SKAP1: variants seen among roughly 807,000 people sequenced by gnomAD.
The protein encoded by SKAP1 is src kinase associated phosphoprotein 1.
In SKAP1, 44 loss-of-function variants were observed where a neutral mutation model predicts 58.5. The ratio of observed to expected loss-of-function variants is 0.75; its 90% CI spans 0.59 to 0.97. The LOEUF (loss-of-function observed/expected upper bound fraction) is 0.97, where lower values mean the gene tolerates loss of function less well. Ranked by LOEUF, SKAP1 falls within the 50% of genes least tolerant of loss-of-function variation. The pLI is 0.00. For missense variants in SKAP1, 390 were observed against 435.2 expected, an observed-to-expected ratio of 0.90 and a Z score of 0.92; for synonymous variants, 127 against 149.7, an observed-to-expected ratio of 0.85 and a Z score of 1.11.
chr17:48,411,299 C>G (rs2144582381), intron 1 of SKAP1, among the ~76,000 whole-genome samples: 1 of 151,940 alleles, frequency 6.6e-6, no homozygotes, highest in Non-Finnish European at 1.5e-5. Flanking sequence ...ACTCGAGAGG[C>G]TGAGGCAGGA....
In SKAP1 at chr17:48,346,611, C is replaced by T. The variant is rs182344644; in HGVS notation, c.179-605G>A. Among the ~76,000 whole-genome samples the T allele has an allele frequency of 5.3e-4, 80 of 151,008 alleles. No homozygotes were observed. In the East Asian group the frequency reaches 0.013, roughly 25 times the overall value. On this transcript the variant is annotated intron_variant, in intron 3 of 12. Coordinates refer to ENST00000336915, the MANE Select transcript of SKAP1 (RefSeq NM_003726.4). ...TGCACTCCGGCCTGGGTGACAACAG[C>T]GAGACTCCATCTAAAAAAAAAAAGA...
At chr17:48,239,398 CTTTATT>C (rs1267295514) in intron 4 of SKAP1, among the ~76,000 whole-genome samples, 4 of 152,166 alleles carry the variant, frequency 2.6e-5, no homozygotes, top group Non-Finnish European at 5.9e-5. Context: ...TCTGTGCCCT[CTTTATT>C]ATCACATTCA....
chr17:48,160,703 G>A (rs2064056812), intron 11 of SKAP1, among the ~76,000 whole-genome samples: 1 of 152,166 alleles, frequency 6.6e-6, no homozygotes, highest in Admixed American at 6.5e-5. Context: ...AGCCAGTCTG[G>A]CTCTGTTCTT....
intron 4 of SKAP1, among the ~76,000 whole-genome samples, chr17:48,205,273 C>T (rs1254788956): frequency 6.6e-6 from 1 of 151,670 alleles, no homozygotes; most frequent in Non-Finnish European, 1.5e-5. Flanking sequence ...CCACGCTCAG[C>T]TAATTTTTGG....
chr17:48,441,299 G>A, the SKAP1 span, among the ~76,000 whole-genome samples: 1 of 152,148 alleles, frequency 6.6e-6, no homozygotes, highest in African/African-American at 2.4e-5. Context: ...TACCTACAGA[G>A]AGAAACCTGA....
intron 8 of SKAP1, among the ~76,000 whole-genome samples, chr17:48,181,940 T>TAATGTCC (rs749911506): frequency 6.6e-6 from 1 of 152,182 alleles, no homozygotes; most frequent in Non-Finnish European, 1.5e-5. Context: ...AGTTTGTTTT[T>TAATGTCC]AATGTCCAAT....
intron 4 of SKAP1, among the ~76,000 whole-genome samples, chr17:48,201,729 C>G (rs1043549624): frequency 2.0e-5 from 3 of 152,168 alleles, no homozygotes; most frequent in African/African-American, 7.2e-5. Flanking sequence ...TCCCATGTTA[C>G]AGCCTGATTG....
intron 1 of SKAP1, among the ~76,000 whole-genome samples, chr17:48,398,724 T>C (rs12941129): frequency 0.029 from 4,455 of 152,200 alleles, 233 homozygotes; most frequent in African/African-American, 0.1. Context: ...ACGCCTGTAA[T>C]CTCAGCACTT....
At chr17:48,388,001 T>C (rs975746972) in intron 2 of SKAP1, among the ~76,000 whole-genome samples, 2 of 152,174 alleles carry the variant, frequency 1.3e-5, no homozygotes, top group African/African-American at 2.4e-5. Flanking sequence ...TACCCAAAAA[T>C]AATAAGATTA....
At chr17:48,362,587 G>A (rs1247701070) in intron 3 of SKAP1, among the ~76,000 whole-genome samples, 1 of 152,194 alleles carries the variant, frequency 6.6e-6, no homozygotes, top group African/African-American at 2.4e-5. Context: ...AATGCTTTAG[G>A]ACAGTGAGAT....
At chr17:48,378,297 C>T (rs575787972) in intron 2 of SKAP1, among the ~76,000 whole-genome samples, 1 of 152,240 alleles carries the variant, frequency 6.6e-6, no homozygotes, top group African/African-American at 2.4e-5. Context: ...GGGTTGAAGT[C>T]CCAGCTCCTC....
intron 4 of SKAP1, among the ~76,000 whole-genome samples, chr17:48,301,105 A>C (rs1382512477): frequency 6.6e-6 from 1 of 152,132 alleles, no homozygotes; most frequent in Non-Finnish European, 1.5e-5. Context: ...CAAAATAACC[A>C]AAAAGCTCCT....
At chr17:48,413,523 A>AATATATAT (rs1555624885) in intron 1 of SKAP1, among the ~76,000 whole-genome samples, 6 of 105,482 alleles carry the variant, frequency 5.7e-5, no homozygotes, top group Admixed American at 1.1e-4. Flanking sequence ...TCAAAAAAAA[A>AATATATAT]ATATATATAT....
At chr17:48,264,441 GT>G (rs1242475565) in intron 4 of SKAP1, among the ~76,000 whole-genome samples, 3 of 152,026 alleles carry the variant, frequency 2.0e-5, no homozygotes, top group African/African-American at 7.2e-5. Flanking sequence ...CATTTTATTT[GT>G]TTTCTTGGTA....
At chr17:48,282,059 TC>T (rs2065773170) in intron 4 of SKAP1, among the ~76,000 whole-genome samples, 4 of 152,240 alleles carry the variant, frequency 2.6e-5, no homozygotes, top group African/African-American at 9.6e-5. Context: ...AAAACAGAAA[TC>T]CCAAAATAAT....
intron 4 of SKAP1, among the ~76,000 whole-genome samples, chr17:48,223,959 G>A (rs1260268084): frequency 6.6e-6 from 1 of 150,936 alleles, no homozygotes; most frequent in South Asian, 2.1e-4. Flanking sequence ...AAGGCAGTGT[G>A]TATAGACTGT....
At chr17:48,308,234 C>T (rs1182717216) in intron 4 of SKAP1, 4 of 152,130 alleles carry the variant, frequency 2.6e-5, no homozygotes, top group Admixed American at 2.0e-4. Context: ...CTTCACCCAT[C>T]CTTCCAAAAG....
chr17:48,422,622 G>A (rs1421961927), intron 1 of SKAP1, among the ~76,000 whole-genome samples: 1 of 152,122 alleles, frequency 6.6e-6, no homozygotes, highest in Non-Finnish European at 1.5e-5. Flanking sequence ...TAGGCAAATT[G>A]CACACAGAGA....
At position 48,377,772 on chromosome 17, in the gene SKAP1, A is replaced by G. The variant is rs949284825; in HGVS notation, c.153-13958T>C. Reference sequence around the variant, plus strand: ...GAATCAGAGAAGACTAGAGGACTAGAGGGATAGGTAATAGAGCTCAGGCTG... The same window carrying G: ...GAATCAGAGAAGACTAGAGGACTAGGGGGATAGGTAATAGAGCTCAGGCTG... On this transcript the variant is annotated intron_variant, in intron 2 of 12. Coordinates refer to ENST00000336915, the MANE Select transcript of SKAP1 (RefSeq NM_003726.4). 8.5e-4 allele frequency among the ~76,000 whole-genome samples: 129 copies of G among 152,266 alleles called. 3 individuals are homozygous for G. Among genetic ancestry groups the G allele is most frequent in the Non-Finnish European group, 2.2e-4 (15 of 68,016 alleles).
Sources: gnomAD v4.1 joint callset for allele counts (sites outside exome capture counted in the v4.1 genomes callset) on GRCh38, gnomAD v4.1.1 for gene constraint, MANE v1.5 for transcripts, NCBI Gene and HGNC (gene_info 2026-07-23, HGNC 2026-07-21) for gene names.